TMEM144: variants seen among roughly 807,000 people sequenced by gnomAD.
TMEM144 encodes transmembrane protein 144.
TMEM144 carries 39 observed loss-of-function variants against 43.6 expected under a neutral mutation model. That is an observed-to-expected ratio of 0.90 (90% CI 0.69 to 1.17). The LOEUF (loss-of-function observed/expected upper bound fraction) is 1.17. Ranked by LOEUF, TMEM144 falls within the 50% of genes most tolerant of loss-of-function variation. The pLI is 0.00. For missense variants in TMEM144, 417 were observed against 411.9 expected (o/e 1.01, Z -0.11); for synonymous variants, 154 against 133.6 (o/e 1.15, Z -1.06).
rs372770193 is a variant in TMEM144, at chr4:158,253,578, G to A, written c.*51G>A. ...CAGTAGTTAAGAGAACGCGTCTATC[G>A]GACAGCGGAGAGATCATGCTGAGAA... On this transcript the variant is annotated 3_prime_UTR_variant, in exon 13 of 13. Transcript: ENST00000296529. 127 of 1,431,426 alleles carry A rather than the reference G, an allele frequency of 8.9e-5. No homozygotes were observed. Among genetic ancestry groups the A allele is most frequent in the East Asian group, 2.7e-4 (12 of 43,840 alleles). The allele number at this position is 1,431,426 out of a possible 1,614,324, so 88.7% of individuals were successfully genotyped here. A position where few individuals can be genotyped will look rare whatever the true frequency, so the allele number is the denominator to read the frequency against.
In TMEM144 at chr4:158,240,419, G is replaced by A. The variant is rs956232668; in HGVS notation, c.802+1G>A. 6.2e-7 allele frequency: 1 copy of A among 1,603,418 alleles called. No homozygotes were observed. Among genetic ancestry groups the A allele is most frequent in the East Asian group, 2.2e-5 (1 of 44,794 alleles). On this transcript the variant is annotated splice_donor_variant, in intron 10 of 12. Coordinates refer to ENST00000296529, the MANE Select transcript of TMEM144 (RefSeq NM_018342.5). LOFTEE classifies it high-confidence loss of function. Reference sequence around the variant, plus strand: ...CTATATCCTGAAGCAGTCCTACCAGGTAAGAATATGTACTACAGATCTTCT... The same window carrying A: ...CTATATCCTGAAGCAGTCCTACCAGATAAGAATATGTACTACAGATCTTCT...
At chr4:158,244,489 G>T (rs895300655) in intron 12 of TMEM144, 140 bp downstream of exon 12, 4 of 607,660 alleles carry the variant, frequency 6.6e-6, no homozygotes, top group Non-Finnish European at 1.2e-5. Flanking sequence ...GGCCGAGATG[G>T]TGAAACCCCG....
Position 158,254,221 on chromosome 4 carries a change from A to C in TMEM144, c.*694A>C, listed in dbSNP as rs1271321828. On this transcript the variant is annotated 3_prime_UTR_variant, in exon 13 of 13. Transcript: ENST00000296529. ...GCATAACATAATACATACATACACA[A>C]GTATATTCACGTACATAAATACACA... 6.6e-6 allele frequency: 1 copy of C among 152,200 alleles called. No homozygotes were observed. Among genetic ancestry groups the C allele is most frequent in the Admixed American group, 6.5e-5 (1 of 15,276 alleles). 9.4% of individuals were successfully genotyped at this position (152,200 alleles called of 1,614,324 possible).
At chr4:158,249,401 C>T (rs1264786298) in intron 12 of TMEM144, among the ~76,000 whole-genome samples, 1 of 152,188 alleles carries the variant, frequency 6.6e-6, no homozygotes, top group East Asian at 1.9e-4. Flanking sequence ...ATGAGATGAT[C>T]TATTATCTTA....
chr4:158,237,221 A>G lies in TMEM144; in HGVS notation c.564-304A>G, dbSNP rs144732501. 2.4e-5 allele frequency: 6 copies of G among 254,320 alleles called. No individual in the cohort carries two copies. In the Admixed American group the frequency reaches 3.0e-4, roughly 13 times the overall value. The allele number at this position is 254,320 out of a possible 1,614,324, so 15.8% of individuals were successfully genotyped here. On this transcript the variant is annotated intron_variant, in intron 8 of 12. Coordinates refer to ENST00000296529, the MANE Select transcript of TMEM144 (RefSeq NM_018342.5). ...CCAAGTTTATTTATGTAGACTGTAC[A>G]ATATAACTGTAGCAATATTCTCATC...
chr4:158,251,461 G>T (rs1290950056), intron 12 of TMEM144, among the ~76,000 whole-genome samples: 1 of 152,206 alleles, frequency 6.6e-6, no homozygotes, highest in African/African-American at 2.4e-5. Flanking sequence ...GGTGGTCACA[G>T]ATTAGGAAAA....
At chr4:158,251,581 C>A (rs1400784047) in intron 12 of TMEM144, among the ~76,000 whole-genome samples, 1 of 152,170 alleles carries the variant, frequency 6.6e-6, no homozygotes, top group Non-Finnish European at 1.5e-5. Flanking sequence ...TGGCTAAGAC[C>A]AATTGAACCC....
chr4:158,220,136 C>CAGT (rs1734440700), intron 6 of TMEM144, among the ~76,000 whole-genome samples: 1 of 152,132 alleles, frequency 6.6e-6, no homozygotes, highest in Non-Finnish European at 1.5e-5. Flanking sequence ...AGGGAAAGAA[C>CAGT]AGTATATTTG....
chr4:158,245,945 A>G (rs1427900921), intron 12 of TMEM144, among the ~76,000 whole-genome samples: 1 of 151,838 alleles, frequency 6.6e-6, no homozygotes, highest in Non-Finnish European at 1.5e-5. Flanking sequence ...AAGAAAAAGA[A>G]AAAAAAAGAA....
chr4:158,235,310 T>C (rs1368468492), intron 7 of TMEM144, 128 bp from the exon 8 acceptor site: 3 of 898,576 alleles, frequency 3.3e-6, no homozygotes, highest in Non-Finnish European at 5.0e-6. Context: ...TCAGAATGCA[T>C]AGGTGACATG....
chr4:158,225,663 A>G (rs150012440), intron 6 of TMEM144, among the ~76,000 whole-genome samples: 12 of 152,340 alleles, frequency 7.9e-5, no homozygotes, highest in African/African-American at 1.9e-4. Context: ...GTGCCATGCT[A>G]GTTATTCGGC....
chr4:158,243,777 A>T (rs1334311622), intron 11 of TMEM144, among the ~76,000 whole-genome samples: 1 of 152,008 alleles, frequency 6.6e-6, no homozygotes, highest in East Asian at 1.9e-4. Flanking sequence ...TTGGTGTTTA[A>T]TGTTAGCCAG....
At chr4:158,224,639 A>G (rs1456732949) in intron 6 of TMEM144, among the ~76,000 whole-genome samples, 1 of 152,180 alleles carries the variant, frequency 6.6e-6, no homozygotes, top group African/African-American at 2.4e-5. Context: ...TGATGTATAC[A>G]CTGGGAACAG....
chr4:158,217,353 A>G lies in TMEM144; in HGVS notation c.265A>G (p.Ile89Val), dbSNP rs1272514740. 1 of 1,612,964 alleles carries G rather than the reference A, an allele frequency of 6.2e-7. No individual in the cohort carries two copies. Among genetic ancestry groups the G allele is most frequent in the Non-Finnish European group, 8.5e-7 (1 of 1,179,354 alleles). Reference protein sequence around the residue: ...NIAVVPIIKTIGLGLGILIWG... With the variant: ...NIAVVPIIKTVGLGLGILIWG... Reference sequence around the variant, plus strand: ...TGCTGTTGTCCCAATTATCAAAACCATTGGTTTAGGCCTTGGAATCTTAAT... The same window carrying G: ...TGCTGTTGTCCCAATTATCAAAACCGTTGGTTTAGGCCTTGGAATCTTAAT... The change falls in exon 5 of 13, where the codon ATT becomes GTT. Residue 89 changes from isoleucine to valine, a missense_variant. Ile to Val is a conservative substitution (Grantham distance 29, BLOSUM62 3). Transcript: ENST00000296529.
intron 8 of TMEM144, among the ~76,000 whole-genome samples, chr4:158,237,047 G>A (rs986874353): frequency 2.6e-5 from 4 of 152,300 alleles, no homozygotes; most frequent in East Asian, 1.9e-4. Flanking sequence ...GCATAGGCAA[G>A]TTCGTGGATT....
At chr4:158,213,009 T>C (rs1734038725) in intron 3 of TMEM144, 1 of 565,210 alleles carries the variant, frequency 1.8e-6, no homozygotes, top group African/African-American at 1.9e-5. Context: ...TCAGGAAATC[T>C]CTTGGGCCAT....
At chr4:158,249,887 GGTGTGT>G (rs149144602) in intron 12 of TMEM144, among the ~76,000 whole-genome samples, 4,144 of 134,434 alleles carry the variant, frequency 0.031, 97 homozygotes, top group African/African-American at 0.059. Context: ...CCTACTGCCA[GGTGTGT>G]GTGTGTGTGT....
At chr4:158,232,196 C>T (rs1735115973) in intron 6 of TMEM144, among the ~76,000 whole-genome samples, 1 of 152,170 alleles carries the variant, frequency 6.6e-6, no homozygotes, top group Non-Finnish European at 1.5e-5. Flanking sequence ...AGATACAGGA[C>T]ATCAATAGTG....
At chr4:158,217,987 T>C (rs532491505) in intron 5 of TMEM144, among the ~76,000 whole-genome samples, 16 of 152,266 alleles carry the variant, frequency 1.1e-4, no homozygotes, top group African/African-American at 3.6e-4. Flanking sequence ...ATGGCTATTT[T>C]TATGTTACAG....
Sources: gnomAD v4.1 joint callset for allele counts (sites outside exome capture counted in the v4.1 genomes callset) on GRCh38, gnomAD v4.1.1 for gene constraint, MANE v1.5 for transcripts, NCBI Gene and HGNC (gene_info 2026-07-23, HGNC 2026-07-21) for gene names.